Variants in RERE observed in about 807,000 individuals in gnomAD.
RERE encodes the protein arginine-glutamic acid dipeptide repeats protein.
In RERE, 40 loss-of-function variants were observed where a neutral mutation model predicts 146.1. That is an observed-to-expected ratio of 0.27 (90% CI 0.21 to 0.36). RERE has a LOEUF of 0.36. Ranked by LOEUF, RERE falls within the 10% of genes least tolerant of loss-of-function variation. RERE has a pLI of 1.00. For missense variants in RERE, 1,933 were observed against 2,138.7 expected (o/e 0.90, Z 1.90); for synonymous variants, 1,003 against 866.0 (o/e 1.16, Z -2.78).
intron 1 of RERE, among the ~76,000 whole-genome samples, chr1:8,710,238 A>C (rs1639639175): frequency 6.6e-6 from 1 of 152,246 alleles, no homozygotes; most frequent in Non-Finnish European, 1.5e-5. Context: ...AAACCAAATC[A>C]AAATGTTCTT....
intron 8 of RERE, among the ~76,000 whole-genome samples, chr1:8,502,786 A>C (rs1315440036): frequency 6.8e-6 from 1 of 146,936 alleles, no homozygotes; most frequent in African/African-American, 2.6e-5. Context: ...CTGTGACCTT[A>C]TCCCCAACCC....
At chr1:8,422,877 T>A in intron 11 of RERE, 70 bp from the exon 12 acceptor site, 7 of 1,111,142 alleles carry the variant, frequency 6.3e-6, no homozygotes, top group Non-Finnish European at 6.8e-6. Context: ...AGCAAAGATA[T>A]CTACAATCAG....
intron 2 of RERE, among the ~76,000 whole-genome samples, chr1:8,633,237 T>C (rs570947104): frequency 2.2e-4 from 33 of 152,186 alleles, no homozygotes; most frequent in Admixed American, 1.4e-3. Flanking sequence ...CTGAGCAACA[T>C]AGCAAGACTC....
chr1:8,771,909 C>CAAAAAAAAAAAAAAAA (rs768264978), intron 1 of RERE, among the ~76,000 whole-genome samples: 2 of 59,414 alleles, frequency 3.4e-5, no homozygotes, highest in Non-Finnish European at 7.1e-5. Flanking sequence ...GACTCTGTCT[C>CAAAAAAAAAAAAAAAA]AAAAAAAAAA....
rs1369093075 is a variant in RERE at position 8,360,698 on chromosome 1, G to A, written c.2809C>T (p.Pro937Ser). The change falls in exon 18 of 23, where the codon CCC (proline) becomes TCC (serine). Residue 937 changes from proline to serine, a missense_variant. By Grantham distance (74) the Pro-to-Ser change is moderately conservative. This residue lies in a region of RERE where 1,255 missense variants were observed against 1,153.8 expected (regional missense o/e 1.09). Coordinates refer to ENST00000400908, the MANE Select transcript of RERE (RefSeq NM_001042681.2). ...TGGGCCTGTGGCGCCGGCAGCTGGGGGATGGGAGTGGTAGGCGGGGGCTTG... is the reference window on the plus strand; with the variant it reads ...TGGGCCTGTGGCGCCGGCAGCTGGGAGATGGGAGTGGTAGGCGGGGGCTTG... ...HIKPPPTTPI[P>S]QLPAPQAHKH... The A allele has an allele frequency of 3.8e-6, 6 of 1,569,858 alleles. No individual in the cohort carries two copies. The highest frequency in any genetic ancestry group is 5.2e-6 in the Non-Finnish European group (6 of 1,158,858).
At chr1:8,790,087 C>T (rs1641336277) in intron 1 of RERE, among the ~76,000 whole-genome samples, 1 of 152,190 alleles carries the variant, frequency 6.6e-6, no homozygotes, top group Non-Finnish European at 1.5e-5. Context: ...GGAAAACACA[C>T]CTCCCACACC....
At chr1:8,594,170 T>A (rs1375594203) in intron 4 of RERE, among the ~76,000 whole-genome samples, 1 of 152,196 alleles carries the variant, frequency 6.6e-6, no homozygotes, top group African/African-American at 2.4e-5. Flanking sequence ...TTATTTTGGT[T>A]TGACAGCTAT....
chr1:8,472,780 G>T (rs144470503), intron 10 of RERE, among the ~76,000 whole-genome samples: 1 of 151,844 alleles, frequency 6.6e-6, no homozygotes, highest in South Asian at 2.1e-4. Context: ...CTGCCCCCAC[G>T]CAACCACTAT....
At position 8,358,595 on chromosome 1, in the gene RERE, T is replaced by C. The variant is rs1204145966; in HGVS notation, c.3940A>G (p.Ile1314Val). Residue 1314 changes from isoleucine to valine, a missense_variant, in exon 20 of 23, where the codon ATC (isoleucine) becomes GTC (valine). Physicochemically the swap from Ile to Val is conservative, Grantham distance 29. Around this residue, in one of 11 missense-constraint regions of RERE, gnomAD observed 1,255 missense variants for 1,153.8 expected, o/e 1.09. Transcript: ENST00000400908. Reference sequence around the variant, plus strand: ...CTCTCCCGCAGCTCCCGCTCTCGGATCTCCCGCTCTCGGATCTCCCGCTCC... The same window carrying C: ...CTCTCCCGCAGCTCCCGCTCTCGGACCTCCCGCTCTCGGATCTCCCGCTCC... ...LREREIRERE[I>V]RERELRERMK... 2 of 1,599,678 alleles carry C rather than the reference T, an allele frequency of 1.3e-6. No homozygotes were observed. The highest frequency in any genetic ancestry group is 1.3e-5 in the African/African-American group (1 of 74,572).
Position 8,404,999 on chromosome 1 carries a change from G to A in RERE, c.1284+17728C>T, listed in dbSNP as rs781760801. On this transcript the variant is annotated intron_variant, in intron 12 of 22. Coordinates refer to ENST00000400908, the MANE Select transcript of RERE (RefSeq NM_001042681.2). ...TGGATAAACCAACTGACTATATGTC[G>A]GTTTTCTGAGTTTGCTTTTTGGGGC... 1.2e-4 allele frequency among the ~76,000 whole-genome samples: 18 copies of A among 152,280 alleles called. 1 individual carries two copies. The highest frequency in any genetic ancestry group is 4.6e-4 in the Admixed American group (7 of 15,308).
chr1:8,412,182 A>C (rs915859198), intron 12 of RERE, among the ~76,000 whole-genome samples: 2 of 152,216 alleles, frequency 1.3e-5, no homozygotes, highest in African/African-American at 4.8e-5. Context: ...ACAATCAAAA[A>C]AATCCAACTC....
chr1:8,427,710 A>G (rs935366647), intron 11 of RERE, among the ~76,000 whole-genome samples: 1 of 150,784 alleles, frequency 6.6e-6, no homozygotes, highest in African/African-American at 2.4e-5. Context: ...ATGGAAAGCC[A>G]CAAGGCCTCA....
chr1:8,795,910 A>C (rs1057510025), intron 1 of RERE, among the ~76,000 whole-genome samples: 23 of 148,564 alleles, frequency 1.5e-4, no homozygotes, highest in Non-Finnish European at 3.0e-4. Flanking sequence ...TGAACCTAGG[A>C]GACAGAGGTT....
intron 1 of RERE, among the ~76,000 whole-genome samples, chr1:8,701,635 C>A (rs890644462): frequency 6.6e-6 from 1 of 152,210 alleles, no homozygotes; most frequent in African/African-American, 2.4e-5. Flanking sequence ...TCAATTCTAT[C>A]ATGCAACCAG....
At chr1:8,702,532 C>G (rs1639474874) in intron 1 of RERE, among the ~76,000 whole-genome samples, 1 of 152,176 alleles carries the variant, frequency 6.6e-6, no homozygotes, top group Non-Finnish European at 1.5e-5. Flanking sequence ...TTTAGCTACT[C>G]TGGCAAAATA....
At chr1:8,760,457 G>C (rs548969356) in intron 1 of RERE, among the ~76,000 whole-genome samples, 8 of 152,208 alleles carry the variant, frequency 5.3e-5, no homozygotes, top group Non-Finnish European at 1.0e-4. Flanking sequence ...TGGGTCAGTA[G>C]TACAGCTTTG....
intron 2 of RERE, among the ~76,000 whole-genome samples, chr1:8,645,788 T>A (rs1290659815): frequency 2.0e-5 from 3 of 152,222 alleles, no homozygotes; most frequent in Admixed American, 2.0e-4. Flanking sequence ...AACTTTAGTA[T>A]TTTCTCTTTC....
chr1:8,576,561 G>A (rs757312651), intron 4 of RERE, among the ~76,000 whole-genome samples: 5 of 152,140 alleles, frequency 3.3e-5, no homozygotes, highest in Non-Finnish European at 7.4e-5. Context: ...AAAAAATTAA[G>A]TTGTATCTAT....
intron 12 of RERE, among the ~76,000 whole-genome samples, chr1:8,393,799 C>T (rs1173991238): frequency 6.6e-6 from 1 of 152,006 alleles, no homozygotes; most frequent in Non-Finnish European, 1.5e-5. Flanking sequence ...TTACTAGTAT[C>T]CAGGTAAAAG....
Sources: allele counts gnomAD v4.1 joint callset (sites outside exome capture counted in the v4.1 genomes callset), GRCh38; gene constraint gnomAD v4.1.1; regional missense constraint gnomAD v4.1.1; transcripts MANE v1.5; gene names NCBI Gene and HGNC (gene_info 2026-07-23, HGNC 2026-07-21).